The following THSD4 variants were observed in gnomAD, a reference collection of about 807,000 sequenced individuals.
The protein encoded by THSD4 is thrombospondin type-1 domain-containing protein 4.
THSD4 carries 69 observed loss-of-function variants against 119.0 expected under a neutral mutation model. The observed-to-expected ratio is 0.58, with a 90% confidence interval of 0.48 to 0.71. The LOEUF (loss-of-function observed/expected upper bound fraction) is 0.71, where lower values mean the gene tolerates loss of function less well. Ranked by LOEUF, THSD4 falls within the 30% of genes least tolerant of loss-of-function variation. THSD4 has a pLI of 0.00. For missense variants in THSD4, 1,393 were observed against 1,391.1 expected, an observed-to-expected ratio of 1.00 and a Z score of -0.02; for synonymous variants, 524 against 540.4, an observed-to-expected ratio of 0.97 and a Z score of 0.42.
chr15:71,409,230 T>G (rs767559835), intron 6 of THSD4, among the ~76,000 whole-genome samples: 36 of 150,912 alleles, frequency 2.4e-4, no homozygotes, highest in Non-Finnish European at 4.3e-4. Flanking sequence ...CAAAAGATAG[T>G]ATCTCAAAAG....
intron 5 of THSD4, among the ~76,000 whole-genome samples, chr15:71,246,864 A>G (rs1313740587): frequency 1.3e-5 from 2 of 151,916 alleles, no homozygotes; most frequent in Non-Finnish European, 2.9e-5. Flanking sequence ...TGATGGACGC[A>G]AGACTCAATC....
At chr15:71,330,848 C>T (rs375675399) in intron 6 of THSD4, among the ~76,000 whole-genome samples, 6 of 152,142 alleles carry the variant, frequency 3.9e-5, no homozygotes, top group Admixed American at 6.5e-5. Flanking sequence ...AGTAAGAGAG[C>T]GACTAGGTTG....
At chr15:71,751,228 A>C (rs1456085418) in intron 14 of THSD4, among the ~76,000 whole-genome samples, 1 of 152,158 alleles carries the variant, frequency 6.6e-6, no homozygotes, top group African/African-American at 2.4e-5. Context: ...AACTTGATGG[A>C]TTTCCTGTAT....
intron 7 of THSD4, among the ~76,000 whole-genome samples, chr15:71,501,421 T>C (rs377691728): frequency 3.9e-5 from 6 of 152,274 alleles, no homozygotes; most frequent in African/African-American, 1.4e-4. Flanking sequence ...ATACCTCAAG[T>C]GGGTTTATCT....
chr15:71,535,242 T>C (rs191563311), intron 7 of THSD4, among the ~76,000 whole-genome samples: 2 of 152,342 alleles, frequency 1.3e-5, no homozygotes, highest in Admixed American at 6.5e-5. Flanking sequence ...GAATGGTCTT[T>C]TGTGACCGAC....
chr15:71,644,344 T>TA (rs1309132556), intron 7 of THSD4, among the ~76,000 whole-genome samples: 77 of 152,332 alleles, frequency 5.1e-4, no homozygotes, highest in African/African-American at 1.8e-3. Flanking sequence ...ACAAATCTGT[T>TA]ACGAAATGAA....
At position 71,567,459 on chromosome 15, in the gene THSD4, C is replaced by A. The variant is rs185944542; in HGVS notation, c.1153-93071C>A. Among the ~76,000 whole-genome samples, 529 of 152,250 alleles carry A rather than the reference C, an allele frequency of 3.5e-3. 6 individuals are homozygous for A. Among genetic ancestry groups the A allele is most frequent in the South Asian group, 0.017 (81 of 4,818 alleles). ...CATCTAGGAGTCAGTGAAGCACACA[C>A]CTCAGAATTACCCAGCAATGAAGCA... On this transcript the variant is annotated intron_variant, in intron 7 of 17. Transcript: ENST00000261862.
chr15:71,773,768 G>A (rs1395480219), intron 17 of THSD4, among the ~76,000 whole-genome samples: 1 of 152,212 alleles, frequency 6.6e-6, no homozygotes, highest in South Asian at 2.1e-4. Flanking sequence ...TGATGATGCT[G>A]CTGAAGAAGA....
chr15:71,217,338 C>T lies in THSD4; in HGVS notation c.464+1939C>T, dbSNP rs1378090732. 2.0e-5 allele frequency among the ~76,000 whole-genome samples: 3 copies of T among 152,012 alleles called. No homozygotes were observed. The East Asian group carries it at 5.8e-4, about 29-fold the overall frequency. ...ATATCGGTTAAGATCAGGTTTGAGG[C>T]CAGGTGCGTTGGCTCACTCCTGTAA... On this transcript the variant is annotated intron_variant, in intron 4 of 17. Transcript: ENST00000261862.
At chr15:71,494,060 T>C (rs970100438) in intron 7 of THSD4, among the ~76,000 whole-genome samples, 2 of 152,194 alleles carry the variant, frequency 1.3e-5, no homozygotes, top group Non-Finnish European at 2.9e-5. Flanking sequence ...CCAGGTATAA[T>C]CTAACTTTAA....
At chr15:71,292,359 G>A (rs771525986) in intron 6 of THSD4, among the ~76,000 whole-genome samples, 9 of 152,056 alleles carry the variant, frequency 5.9e-5, no homozygotes, top group Non-Finnish European at 1.3e-4. Flanking sequence ...TCATGCTTGT[G>A]TAGTTTCTTC....
chr15:71,214,994 G>A lies in THSD4; in HGVS notation c.100-41G>A, dbSNP rs975856494. On this transcript the variant is annotated intron_variant, in intron 3 of 17. Transcript: ENST00000261862. ...CTCAAAGCTTTTCGGGTGAAGAGAG[G>A]AGCGGTGTTCTGGTCCCCTAACCTG... The A allele has an allele frequency of 5.7e-6, 7 of 1,235,224 alleles. No individual in the cohort carries two copies. In the African/African-American group the frequency reaches 6.3e-5, roughly 11 times the overall value. The allele number at this position is 1,235,224 out of a possible 1,614,324, so 76.5% of individuals were successfully genotyped here.
chr15:71,564,246 T>C (rs903555390), intron 7 of THSD4, among the ~76,000 whole-genome samples: 7 of 152,208 alleles, frequency 4.6e-5, no homozygotes, highest in African/African-American at 1.7e-4. Flanking sequence ...GGGTCCCCAC[T>C]CCTAGAAGCC....
chr15:71,753,929 G>A (rs1004655209), intron 14 of THSD4, among the ~76,000 whole-genome samples: 1 of 152,094 alleles, frequency 6.6e-6, no homozygotes, highest in Non-Finnish European at 1.5e-5. Context: ...TAGGTATATG[G>A]GGATGTGAAG....
At chr15:71,719,845 T>C (rs938700168) in intron 8 of THSD4, among the ~76,000 whole-genome samples, 1 of 151,924 alleles carries the variant, frequency 6.6e-6, no homozygotes, top group African/African-American at 2.4e-5. Flanking sequence ...TTGGCTATTT[T>C]GTTAATTCTT....
chr15:71,521,539 A>G (rs2048441246), intron 7 of THSD4, among the ~76,000 whole-genome samples: 1 of 152,138 alleles, frequency 6.6e-6, no homozygotes. Flanking sequence ...TCACTTGTCT[A>G]TGTTTCTCCA....
chr15:71,548,496 G>C (rs2048874493), intron 7 of THSD4, among the ~76,000 whole-genome samples: 1 of 152,212 alleles, frequency 6.6e-6, no homozygotes, highest in South Asian at 2.1e-4. Context: ...CGGCTGCAAG[G>C]CTAGCTGTGG....
chr15:71,425,375 A>T (rs1056559657), intron 7 of THSD4, among the ~76,000 whole-genome samples: 1 of 152,080 alleles, frequency 6.6e-6, no homozygotes. Flanking sequence ...TGGGAAAAAA[A>T]TTTTCTAAGT....
Position 71,777,503 on chromosome 15 carries a change from C to A in THSD4, c.*129C>A. 1.5e-6 allele frequency: 2 copies of A among 1,316,212 alleles called. No homozygotes were observed. Among genetic ancestry groups the A allele is most frequent in the Non-Finnish European group, 2.0e-6 (2 of 978,634 alleles). The allele number at this position is 1,316,212 out of a possible 1,614,324, so 81.5% of individuals were successfully genotyped here. A position where few individuals can be genotyped will look rare whatever the true frequency, so the allele number is the denominator to read the frequency against. On this transcript the variant is annotated 3_prime_UTR_variant, in exon 18 of 18. Coordinates refer to ENST00000261862, the MANE Select transcript of THSD4 (RefSeq NM_024817.3). ...GCTGCCAACCAACTTAGTCACCACC[C>A]CTGCCTCCGGTGAATGCACCCCGTG...
Sources: allele counts gnomAD v4.1 joint callset (sites outside exome capture counted in the v4.1 genomes callset), GRCh38; gene constraint gnomAD v4.1.1; transcripts MANE v1.5; gene names NCBI Gene and HGNC (gene_info 2026-07-23, HGNC 2026-07-21).